The following ERGIC1 variants were observed in gnomAD, a reference collection of about 807,000 sequenced individuals.
ERGIC1 encodes the protein endoplasmic reticulum-golgi intermediate compartment 1, also known as endoplasmic reticulum-Golgi intermediate compartment protein 1.
A neutral mutation model predicts 38.3 loss-of-function variants in ERGIC1; 19 were observed. The ratio of observed to expected loss-of-function variants is 0.50; its 90% CI spans 0.35 to 0.73. ERGIC1 has a LOEUF of 0.73. ERGIC1 is among the 30% of genes least tolerant of loss of function. The pLI, the probability that ERGIC1 is intolerant of heterozygous loss-of-function variation, is 0.01. For missense variants in ERGIC1, 294 were observed against 389.2 expected, an observed-to-expected ratio of 0.76 and a Z score of 2.06; for synonymous variants, 124 against 157.6, an observed-to-expected ratio of 0.79 and a Z score of 1.60.
chr5:172,864,941 G>A (rs1761815636), intron 1 of ERGIC1, among the ~76,000 whole-genome samples: 1 of 151,962 alleles, frequency 6.6e-6, no homozygotes, highest in Admixed American at 6.6e-5. Flanking sequence ...TGTCCTTGAG[G>A]CCTTGGAGCA....
chr5:172,850,578 C>A (rs1259994920), intron 1 of ERGIC1, among the ~76,000 whole-genome samples: 1 of 152,124 alleles, frequency 6.6e-6, no homozygotes, highest in African/African-American at 2.4e-5. Flanking sequence ...AGTGCTCCCA[C>A]CCACTCGCTG....
chr5:172,939,025 T>C (rs1393619609), intron 9 of ERGIC1, among the ~76,000 whole-genome samples: 2 of 151,630 alleles, frequency 1.3e-5, no homozygotes, highest in African/African-American at 4.9e-5. Flanking sequence ...ATCACGCCAC[T>C]GCACTCGGGT....
intron 1 of ERGIC1, among the ~76,000 whole-genome samples, chr5:172,848,972 C>T (rs1055833490): frequency 6.6e-6 from 1 of 152,194 alleles, no homozygotes; most frequent in African/African-American, 2.4e-5. Flanking sequence ...CCACCACGTG[C>T]CAGCTCCCCT....
chr5:172,933,676 A>AC (rs1763828220), intron 8 of ERGIC1: 1 of 152,146 alleles, frequency 6.6e-6, no homozygotes. Context: ...ACTGTTTCAC[A>AC]GGGGGCATCT....
Position 172,834,328 on chromosome 5 carries a change from C to A in ERGIC1, c.-86C>A. 8.6e-7 allele frequency: 1 copy of A among 1,163,356 alleles called. No homozygotes were observed. 72.1% of individuals were successfully genotyped at this position (1,163,356 alleles called of 1,614,324 possible). On this transcript the variant is annotated 5_prime_UTR_variant, in exon 1 of 10. Coordinates refer to ENST00000393784, the MANE Select transcript of ERGIC1 (RefSeq NM_001031711.3). The surrounding 1 kb of genome is among the most constrained non-coding windows in gnomAD (Gnocchi z 4.1). ...GGGCGGCCGGCGGGGGCGGGGCGGC[C>A]GGAGGAGGCGTTGGCAGCGGGCTCG...
At position 172,952,608 on chromosome 5, in the gene ERGIC1, T is replaced by C. The variant is rs1042448607; in HGVS notation, c.*1792T>C. The stretch of plus-strand genomic sequence containing the variant: ...TGACCCGTTATTCTTATAATCAAAA[T>C]CTGAAGGGAAAAAAATGTTTTAGTT... On this transcript the variant is annotated 3_prime_UTR_variant, in exon 10 of 10. Coordinates refer to ENST00000393784, the MANE Select transcript of ERGIC1 (RefSeq NM_001031711.3). The C allele has an allele frequency of 6.6e-6, 1 of 151,732 alleles. No individual in the cohort carries two copies. The highest frequency in any genetic ancestry group is 2.4e-5 in the African/African-American group (1 of 41,250). The allele number at this position is 151,732 out of a possible 1,614,324, so 9.4% of individuals were successfully genotyped here.
At chr5:172,847,515 T>TTTG (rs1324688376) in intron 1 of ERGIC1, among the ~76,000 whole-genome samples, 8 of 152,050 alleles carry the variant, frequency 5.3e-5, no homozygotes, top group Non-Finnish European at 7.4e-5. Flanking sequence ...ATATATATTT[T>TTTG]TTGTTGTTGT....
chr5:172,870,304 G>C (rs1761967251), intron 1 of ERGIC1, among the ~76,000 whole-genome samples: 1 of 152,140 alleles, frequency 6.6e-6, no homozygotes, highest in Non-Finnish European at 1.5e-5. Flanking sequence ...CGGACCCCTT[G>C]GTTCCAGCCA....
chr5:172,844,857 C>T (rs76826139), intron 1 of ERGIC1, among the ~76,000 whole-genome samples: 1,633 of 152,320 alleles, frequency 0.011, 18 homozygotes, highest in Non-Finnish European at 0.017. Flanking sequence ...TCCTTCAATA[C>T]CTTCGTCCCC....
At chr5:172,913,935 A>G (rs1424669560) in intron 4 of ERGIC1, among the ~76,000 whole-genome samples, 1 of 152,082 alleles carries the variant, frequency 6.6e-6, no homozygotes. Flanking sequence ...CACCCCATAA[A>G]CCCAAAAACT....
At chr5:172,838,337 A>G (rs6895746) in intron 1 of ERGIC1, among the ~76,000 whole-genome samples, 40,468 of 152,106 alleles carry the variant, frequency 0.27, 5,624 homozygotes, top group East Asian at 0.32. Context: ...TCAGCCAAGC[A>G]TGGACCCCCC....
chr5:172,889,878 T>C (rs972362403), intron 2 of ERGIC1, among the ~76,000 whole-genome samples: 3 of 152,356 alleles, frequency 2.0e-5, no homozygotes, highest in African/African-American at 7.2e-5. Context: ...TTGAGCAACA[T>C]GTTGGCACTG....
chr5:172,897,997 C>T (rs1762766304), intron 3 of ERGIC1: 4 of 411,240 alleles, frequency 9.7e-6, no homozygotes, highest in African/African-American at 2.1e-5. Flanking sequence ...ACGACCTCAT[C>T]GGACGCCCCT....
At chr5:172,871,067 G>A (rs1194712627) in intron 1 of ERGIC1, among the ~76,000 whole-genome samples, 1 of 152,258 alleles carries the variant, frequency 6.6e-6, no homozygotes, top group East Asian at 1.9e-4. Flanking sequence ...GGGCCGTGCT[G>A]TTGTTTGTGA....
At chr5:172,905,185 G>A in intron 3 of ERGIC1, 1 of 242,408 alleles carries the variant, frequency 4.1e-6, no homozygotes, top group Non-Finnish European at 8.9e-6. Flanking sequence ...CTCGCCAGGT[G>A]GGAAAGGTGA....
intron 1 of ERGIC1, among the ~76,000 whole-genome samples, chr5:172,886,674 T>G (rs1762431831): frequency 6.6e-6 from 1 of 152,226 alleles, no homozygotes; most frequent in Admixed American, 6.5e-5. Context: ...AAGTACTTTA[T>G]ATGTGCTCAG....
chr5:172,870,426 C>T (rs554942720), intron 1 of ERGIC1, among the ~76,000 whole-genome samples: 107 of 152,262 alleles, frequency 7.0e-4, no homozygotes, highest in Admixed American at 1.4e-3. Flanking sequence ...TTTTCTACTC[C>T]AGACAAGTAT....
At chr5:172,948,691 G>C (rs1449417389) in intron 9 of ERGIC1, among the ~76,000 whole-genome samples, 1 of 152,178 alleles carries the variant, frequency 6.6e-6, no homozygotes, top group Non-Finnish European at 1.5e-5. Context: ...CTGCTCCTAG[G>C]ATGGGAGGTG....
chr5:172,908,905 C>T (rs1460860550), intron 3 of ERGIC1, among the ~76,000 whole-genome samples: 1 of 152,164 alleles, frequency 6.6e-6, no homozygotes, highest in Non-Finnish European at 1.5e-5. Flanking sequence ...GGAAGGGGAC[C>T]TCAAGAGAGG....
Sources: gnomAD v4.1 joint callset for allele counts (sites outside exome capture counted in the v4.1 genomes callset) on GRCh38, gnomAD v4.1.1 for gene constraint, Gnocchi (gnomAD v3.1) non-coding constraint, MANE v1.5 for transcripts, NCBI Gene and HGNC (gene_info 2026-07-23, HGNC 2026-07-21) for gene names.